Variants in ADGB observed in about 807,000 individuals in gnomAD.
ADGB encodes the protein androglobin, also known as calpain-7-like protein.
Under a neutral mutation model 210.5 loss-of-function variants are expected in ADGB, and 172 were observed. That is an observed-to-expected ratio of 0.82 (90% CI 0.72 to 0.93). The LOEUF (loss-of-function observed/expected upper bound fraction) is 0.93, where lower values mean the gene tolerates loss of function less well. ADGB is among the 40% of genes least tolerant of loss of function. The probability of loss-of-function intolerance (pLI) is 0.00; values close to 1 mark genes in which losing one functional copy is unlikely to be tolerated. For synonymous variants in ADGB, 658 were observed against 662.7 expected (o/e 0.99, Z 0.11); for missense variants, 2,025 against 1,964.8 (o/e 1.03, Z -0.58).
At chr6:146,750,106 T>G (rs1055458559) in intron 26 of ADGB, among the ~76,000 whole-genome samples, 1 of 152,128 alleles carries the variant, frequency 6.6e-6, no homozygotes, top group Non-Finnish European at 1.5e-5. Context: ...GGTGCTGAGC[T>G]GGGAAGTTGG....
chr6:146,802,173 A>G (rs1778145555), intron 35 of ADGB, among the ~76,000 whole-genome samples, 162 bp downstream of exon 35: 1 of 152,192 alleles, frequency 6.6e-6, no homozygotes. Context: ...TTGATTCTAC[A>G]CATCTCATCT....
At chr6:146,608,973 AG>A in intron 1 of ADGB, among the ~76,000 whole-genome samples, 1 of 152,282 alleles carries the variant, frequency 6.6e-6, no homozygotes, top group African/African-American at 2.4e-5. Context: ...CGGGGTGTTA[AG>A]GTCTCCCAGT....
chr6:146,635,430 A>T lies in ADGB; in HGVS notation c.130A>T (p.Lys44Ter). 1 of 1,546,532 alleles carries T rather than the reference A, an allele frequency of 6.5e-7. No homozygotes were observed. Residue 44 changes from lysine to a stop codon, truncating the protein, a stop_gained, in exon 2 of 36, where the codon AAA becomes TAA. Transcript: ENST00000397944. LOFTEE classifies it high-confidence loss of function. ...TGGTTCTACTGAACAAAAGAAGGGG[A>T]AATTCCCACTCTGGCCAGAGTGGAG... The part of the protein sequence containing the change: ...QSGSTEQKKG[K>*]FPLWPEWSEA...
intron 5 of ADGB, among the ~76,000 whole-genome samples, chr6:146,662,250 T>A (rs1041879297): frequency 1.3e-5 from 2 of 152,128 alleles, no homozygotes; most frequent in Non-Finnish European, 2.9e-5. Flanking sequence ...TCTTCTTTTT[T>A]TCAGTGGCAA....
chr6:146,611,095 C>A (rs1163518651), intron 1 of ADGB, among the ~76,000 whole-genome samples: 1 of 151,982 alleles, frequency 6.6e-6, no homozygotes, highest in Non-Finnish European at 1.5e-5. Flanking sequence ...TGTGGGCAGG[C>A]ACATGCTGGT....
Position 146,691,475 on chromosome 6 carries a change from TAA to T in ADGB, c.1486+187_1486+188del, listed in dbSNP as rs1554231923. On this transcript the variant is annotated intron_variant, in intron 11 of 35. Transcript: ENST00000397944. ...ATATATATAAAAATATATATATATA[TAA>T]ATATATATATATATATATATATATT... Among the ~76,000 whole-genome samples the T allele has an allele frequency of 6.0e-4, 28 of 46,794 alleles. 1 individual carries two copies. Among genetic ancestry groups the T allele is most frequent in the African/African-American group, 5.3e-3 (21 of 3,980 alleles). 30.7% of individuals were successfully genotyped at this position (46,794 alleles called of 152,430 possible).
intron 27 of ADGB, among the ~76,000 whole-genome samples, chr6:146,762,684 T>C (rs1166383896): frequency 6.6e-6 from 1 of 152,156 alleles, no homozygotes; most frequent in Admixed American, 6.6e-5. Flanking sequence ...TATTGGCAGC[T>C]TGATCCTGGT....
intron 13 of ADGB, among the ~76,000 whole-genome samples, chr6:146,712,272 C>T (rs1015573762): frequency 6.6e-6 from 1 of 151,904 alleles, no homozygotes; most frequent in Non-Finnish European, 1.5e-5. Flanking sequence ...GAAACCTCCA[C>T]CTCCCAGGTT....
chr6:146,641,142 GA>G (rs1457289782), intron 2 of ADGB, among the ~76,000 whole-genome samples: 1 of 151,766 alleles, frequency 6.6e-6, no homozygotes, highest in East Asian at 1.9e-4. Context: ...AGCCAAATCA[GA>G]AAGGCAATCC....
intron 13 of ADGB, among the ~76,000 whole-genome samples, chr6:146,714,841 G>A (rs1366886097): frequency 6.6e-6 from 1 of 152,090 alleles, no homozygotes; most frequent in Non-Finnish European, 1.5e-5. Flanking sequence ...TAATTAGCCT[G>A]TATGAGTTTA....
At chr6:146,689,551 C>T (rs1024279881) in intron 10 of ADGB, among the ~76,000 whole-genome samples, 15 of 151,822 alleles carry the variant, frequency 9.9e-5, no homozygotes, top group East Asian at 3.9e-4. Flanking sequence ...TAATGCTCTA[C>T]GGTCTAAAAA....
rs1219471818 is a variant in ADGB at position 146,814,647 on chromosome 6, A to AT, written c.4819-381dup. ...TCATCATCAAGTACAGCTCAGATAT[A>AT]TTTTGTCAAGGATAGCATACATGTG... On this transcript the variant is annotated intron_variant, in intron 35 of 35. Transcript: ENST00000397944. Among the ~76,000 whole-genome samples the AT allele has an allele frequency of 2.0e-5, 3 of 152,312 alleles. No homozygotes were observed. In the East Asian group the frequency reaches 5.8e-4, roughly 29 times the overall value.
At chr6:146,686,029 A>C (rs527661001) in intron 10 of ADGB, among the ~76,000 whole-genome samples, 1 of 152,202 alleles carries the variant, frequency 6.6e-6, no homozygotes, top group African/African-American at 2.4e-5. Flanking sequence ...TGATTGCAAT[A>C]GCTCTGGCTA....
rs533819090 is a variant in ADGB, at chr6:146,693,062, A to C, written c.1577+147A>C. Reference sequence around the variant, plus strand: ...ATACATGTAAAAACTTTAAAAGGACATTTTCTTGACCTTTTATAGCTTGTA... The same window carrying C: ...ATACATGTAAAAACTTTAAAAGGACCTTTTCTTGACCTTTTATAGCTTGTA... On this transcript the variant is annotated intron_variant, in intron 12 of 35. Transcript: ENST00000397944. The C allele has an allele frequency of 2.2e-5, 12 of 548,008 alleles. No individual in the cohort carries two copies. In the African/African-American group the frequency reaches 2.3e-4, roughly 10 times the overall value. 33.9% of individuals were successfully genotyped at this position (548,008 alleles called of 1,614,324 possible).
At chr6:146,716,639 A>T (rs1776740054) in intron 14 of ADGB, among the ~76,000 whole-genome samples, 2 of 150,966 alleles carry the variant, frequency 1.3e-5, no homozygotes, top group African/African-American at 2.4e-5. Context: ...TCTGTGAACA[A>T]ATTCGTCAAA....
intron 1 of ADGB, among the ~76,000 whole-genome samples, chr6:146,611,297 G>A (rs1233602179): frequency 6.6e-6 from 1 of 152,000 alleles, no homozygotes; most frequent in Non-Finnish European, 1.5e-5. Flanking sequence ...CATTCCATGG[G>A]TAACATAACC....
chr6:146,692,377 A>T (rs1180559913), intron 11 of ADGB, among the ~76,000 whole-genome samples: 1 of 152,118 alleles, frequency 6.6e-6, no homozygotes, highest in Non-Finnish European at 1.5e-5. Context: ...CCTCATGATC[A>T]TTACTTTGCT....
intron 7 of ADGB, among the ~76,000 whole-genome samples, chr6:146,667,265 C>A (rs1775949336): frequency 1.3e-5 from 2 of 151,914 alleles, no homozygotes; most frequent in Admixed American, 1.3e-4. Context: ...GACTTTGAGC[C>A]TCTACAGGTG....
intron 9 of ADGB, among the ~76,000 whole-genome samples, chr6:146,684,190 G>C (rs1274229276): frequency 2.6e-5 from 4 of 152,026 alleles, no homozygotes; most frequent in African/African-American, 9.7e-5. Flanking sequence ...CTAAGGTGTA[G>C]ACAGCCAACT....
Sources: gnomAD v4.1 joint callset for allele counts (sites outside exome capture counted in the v4.1 genomes callset) on GRCh38, gnomAD v4.1.1 for gene constraint, MANE v1.5 for transcripts, NCBI Gene and HGNC (gene_info 2026-07-23, HGNC 2026-07-21) for gene names.